The following TMEM132D variants were observed in gnomAD, a reference collection of about 807,000 sequenced individuals.
The protein encoded by TMEM132D is transmembrane protein 132D, also known as mature OL transmembrane protein.
In TMEM132D, 21 loss-of-function variants were observed where a neutral mutation model predicts 62.3. That is an observed-to-expected ratio of 0.34 (90% CI 0.24 to 0.49). The LOEUF (loss-of-function observed/expected upper bound fraction) is 0.49. TMEM132D is among the 20% of genes least tolerant of loss of function. The probability of loss-of-function intolerance (pLI) is 0.99; values close to 1 mark genes in which losing one functional copy is unlikely to be tolerated. For missense variants in TMEM132D, 1,346 were observed against 1,402.8 expected (o/e 0.96, Z 0.65); for synonymous variants, 621 against 575.6 (o/e 1.08, Z -1.13).
chr12:129,820,984 C>T (rs12422754), intron 1 of TMEM132D, among the ~76,000 whole-genome samples: 75,082 of 152,056 alleles, frequency 0.49, 20,585 homozygotes, highest in Non-Finnish European at 0.63. Flanking sequence ...ATATGTCAGC[C>T]TCTCTGGCCT....
chr12:129,445,130 C>T (rs112386470), intron 3 of TMEM132D, among the ~76,000 whole-genome samples: 8,274 of 152,142 alleles, frequency 0.054, 744 homozygotes, highest in African/African-American at 0.19. Flanking sequence ...TATATAAACA[C>T]CATGAAAGAA....
At chr12:129,504,074 CCCT>C (rs923803199) in intron 3 of TMEM132D, among the ~76,000 whole-genome samples, 1 of 151,700 alleles carries the variant, frequency 6.6e-6, no homozygotes, top group Non-Finnish European at 1.5e-5. Context: ...ATCACCATCC[CCCT>C]CATCACCATT....
intron 3 of TMEM132D, among the ~76,000 whole-genome samples, chr12:129,420,570 T>C (rs1593372823): frequency 1.3e-5 from 2 of 152,270 alleles, no homozygotes; most frequent in East Asian, 3.9e-4. Context: ...TTTCTTGTGC[T>C]GGGTTGGTTG....
intron 4 of TMEM132D, among the ~76,000 whole-genome samples, chr12:129,263,432 G>T (rs1022710249): frequency 6.6e-6 from 1 of 152,098 alleles, no homozygotes; most frequent in Non-Finnish European, 1.5e-5. Flanking sequence ...TATAAAGAAG[G>T]CAAAGAGTTT....
At chr12:129,632,792 C>G (rs530007394) in intron 2 of TMEM132D, among the ~76,000 whole-genome samples, 1 of 152,242 alleles carries the variant, frequency 6.6e-6, no homozygotes, top group Admixed American at 6.5e-5. Flanking sequence ...GCAGTATGGA[C>G]CCCAAGCTGC....
At chr12:129,218,007 G>A (rs1285332401) in intron 4 of TMEM132D, among the ~76,000 whole-genome samples, 18 of 152,140 alleles carry the variant, frequency 1.2e-4, no homozygotes. Context: ...GCTAGGACCA[G>A]CAGCCTCTCT....
At chr12:129,149,125 G>C (rs1254079686) in intron 5 of TMEM132D, among the ~76,000 whole-genome samples, 1 of 150,736 alleles carries the variant, frequency 6.6e-6, no homozygotes, top group Non-Finnish European at 1.5e-5. Context: ...ACTAATACAG[G>C]AATAGAAAAC....
intron 4 of TMEM132D, among the ~76,000 whole-genome samples, chr12:129,323,883 AAGCACATTTTCTAT>A (rs1868806295): frequency 6.6e-6 from 1 of 150,950 alleles, no homozygotes; most frequent in Non-Finnish European, 1.5e-5. Flanking sequence ...TTGATTTTTC[AAGCACATTTTCTAT>A]AGGAAGTAGG....
rs111404008 is a variant in TMEM132D, at chr12:129,140,575, C to A, written c.1444-55873G>T. 7.5e-3 allele frequency among the ~76,000 whole-genome samples: 1,136 copies of A among 152,192 alleles called. 17 individuals carry two copies. Among genetic ancestry groups the A allele is most frequent in the African/African-American group, 0.025 (1,052 of 41,532 alleles). Reference sequence around the variant, plus strand: ...TGAGATTCACCGGGCATGGTGGCTCCTGCCTGTAATCCCAACACTTTGGGA... The same window carrying A: ...TGAGATTCACCGGGCATGGTGGCTCATGCCTGTAATCCCAACACTTTGGGA... On this transcript the variant is annotated intron_variant, in intron 5 of 8. Transcript: ENST00000422113.
chr12:129,616,651 G>A (rs537548980), intron 2 of TMEM132D, among the ~76,000 whole-genome samples: 3 of 152,146 alleles, frequency 2.0e-5, no homozygotes, highest in East Asian at 1.9e-4. Flanking sequence ...TCTTTTGTTC[G>A]GCACTTCTCC....
At chr12:129,554,964 T>C (rs1315243635) in intron 2 of TMEM132D, among the ~76,000 whole-genome samples, 3 of 152,182 alleles carry the variant, frequency 2.0e-5, no homozygotes, top group Non-Finnish European at 4.4e-5. Context: ...TTCTCTCTTC[T>C]AGCCCTACTG....
At chr12:129,696,978 G>A (rs918903492) in intron 2 of TMEM132D, among the ~76,000 whole-genome samples, 2 of 152,190 alleles carry the variant, frequency 1.3e-5, no homozygotes, top group African/African-American at 4.8e-5. Flanking sequence ...TTCTTAAAGA[G>A]TGAAACACAC....
chr12:129,773,211 C>T (rs1053059059), intron 1 of TMEM132D, among the ~76,000 whole-genome samples: 2 of 152,194 alleles, frequency 1.3e-5, no homozygotes, highest in African/African-American at 4.8e-5. Flanking sequence ...ATTACGCATT[C>T]GACATCGTGC....
intron 2 of TMEM132D, among the ~76,000 whole-genome samples, chr12:129,647,987 A>T (rs750299978): frequency 4.6e-5 from 7 of 152,148 alleles, no homozygotes; most frequent in South Asian, 2.1e-4. Flanking sequence ...TAAATTTGAA[A>T]CAAAGATGAT....
At chr12:129,329,635 T>C (rs1593339313) in intron 4 of TMEM132D, among the ~76,000 whole-genome samples, 2 of 152,146 alleles carry the variant, frequency 1.3e-5, no homozygotes, top group Non-Finnish European at 2.9e-5. Context: ...TGCAGGGAGA[T>C]AGGTGGCCTG....
At chr12:129,344,211 T>G (rs1444914385) in intron 3 of TMEM132D, among the ~76,000 whole-genome samples, 2 of 152,112 alleles carry the variant, frequency 1.3e-5, no homozygotes, top group Non-Finnish European at 2.9e-5. Flanking sequence ...CCAAGAAACC[T>G]CTCTTGGGGT....
chr12:129,128,416 C>T (rs1876277633), intron 5 of TMEM132D, among the ~76,000 whole-genome samples: 1 of 152,146 alleles, frequency 6.6e-6, no homozygotes, highest in African/African-American at 2.4e-5. Flanking sequence ...AAGGTGGCAT[C>T]TTACACGGTG....
intron 3 of TMEM132D, among the ~76,000 whole-genome samples, chr12:129,504,649 T>A (rs1875274678): frequency 6.6e-6 from 1 of 152,216 alleles, no homozygotes; most frequent in African/African-American, 2.4e-5. Flanking sequence ...CTATCAATTT[T>A]ATTTATCTTT....
chr12:129,774,569 G>GC (rs1325224093), intron 1 of TMEM132D, among the ~76,000 whole-genome samples: 46 of 152,294 alleles, frequency 3.0e-4, no homozygotes, highest in African/African-American at 8.2e-4. Flanking sequence ...CAGTGAGGGA[G>GC]CCAACTGTAA....
Sources: gnomAD v4.1 joint callset for allele counts (sites outside exome capture counted in the v4.1 genomes callset) on GRCh38, gnomAD v4.1.1 for gene constraint, MANE v1.5 for transcripts, NCBI Gene and HGNC (gene_info 2026-07-23, HGNC 2026-07-21) for gene names.